The following LARP1B variants were observed in gnomAD, a reference collection of about 807,000 sequenced individuals.
The protein encoded by LARP1B is la-related protein 1B.
A neutral mutation model predicts 114.2 loss-of-function variants in LARP1B; 76 were observed. That is an observed-to-expected ratio of 0.67 (90% confidence interval 0.55 to 0.81). The LOEUF is 0.81. LARP1B is among the 30% of genes least tolerant of loss of function. LARP1B has a pLI of 0.00. For synonymous variants in LARP1B, 345 were observed against 348.0 expected, an observed-to-expected ratio of 0.99 and a Z score of 0.10; for missense variants, 1,014 against 1,075.8, an observed-to-expected ratio of 0.94 and a Z score of 0.80.
In LARP1B at chr4:128,074,455, T is replaced by C; in HGVS notation, c.-77-5T>C. 3 of 785,306 alleles carry C rather than the reference T, an allele frequency of 3.8e-6. No individual in the cohort carries two copies. Among genetic ancestry groups the C allele is most frequent in the Non-Finnish European group, 3.1e-6 (2 of 647,120 alleles). 48.6% of individuals were successfully genotyped at this position (785,306 alleles called of 1,614,324 possible). ...TGTAAAAACAATTCTATATATTTTC[T>C]TTAGAATTCGGTTCCCTCAAAATTA... is the stretch of plus-strand genomic sequence containing the variant. On this transcript the variant is annotated splice_polypyrimidine_tract_variant and splice_region_variant and intron_variant, in intron 1 of 19. Coordinates refer to ENST00000326639, the MANE Select transcript of LARP1B (RefSeq NM_018078.4).
intron 5 of LARP1B, among the ~76,000 whole-genome samples, chr4:128,089,193 A>G (rs1774873916): frequency 6.6e-6 from 1 of 152,178 alleles, no homozygotes; most frequent in South Asian, 2.1e-4. Context: ...TAGTCCACAG[A>G]ACAGGCCCCC....
At chr4:128,086,009 C>CTTTTTTTTTT (rs143345158) in intron 5 of LARP1B, among the ~76,000 whole-genome samples, 1 of 91,272 alleles carries the variant, frequency 1.1e-5, no homozygotes, top group Non-Finnish European at 2.1e-5. Context: ...TCATGGTATT[C>CTTTTTTTTTT]TTTTTTTTTT....
intron 8 of LARP1B, among the ~76,000 whole-genome samples, chr4:128,099,737 T>C (rs570464551): frequency 7.5e-4 from 113 of 151,396 alleles, no homozygotes; most frequent in African/African-American, 7.8e-4. Context: ...CACACACACA[T>C]ATATATTTCT....
chr4:128,060,876 G>A (rs998393792), upstream of LARP1B, among the ~76,000 whole-genome samples: 3 of 152,190 alleles, frequency 2.0e-5, no homozygotes, highest in Non-Finnish European at 4.4e-5. Context: ...CCCCAGGCCG[G>A]GGGTCGACAC....
chr4:128,093,303 A>G (rs893688476), intron 7 of LARP1B, among the ~76,000 whole-genome samples: 13 of 152,166 alleles, frequency 8.5e-5, no homozygotes, highest in Non-Finnish European at 1.5e-4. Flanking sequence ...AGAAGTCACT[A>G]AAAGTTTTCC....
intron 13 of LARP1B, 103 bp from the exon 14 acceptor site, chr4:128,178,328 G>A (rs1747133096): frequency 3.9e-6 from 3 of 760,454 alleles, no homozygotes; most frequent in Non-Finnish European, 6.3e-6. Flanking sequence ...AATGTTTTCA[G>A]TGAAAAATCC....
rs753011189 is a variant in LARP1B at position 128,075,037 on chromosome 4, G to A, written c.42+44G>A. On this transcript the variant is annotated intron_variant, in intron 3 of 19. Coordinates refer to ENST00000326639, the MANE Select transcript of LARP1B (RefSeq NM_018078.4). Reference sequence around the variant, plus strand: ...TTTTTTTTTTTAAAGAAAGGAAAATGTATTCATTTCGACATGCAGAATTTT... The same window carrying A: ...TTTTTTTTTTTAAAGAAAGGAAAATATATTCATTTCGACATGCAGAATTTT... 31 of 1,239,308 alleles carry A rather than the reference G, an allele frequency of 2.5e-5. No homozygotes were observed. The Middle Eastern group carries it at 1.5e-3, about 60-fold the overall frequency. 76.8% of individuals were successfully genotyped at this position (1,239,308 alleles called of 1,614,324 possible).
At chr4:128,147,356 T>C (rs562739906) in intron 11 of LARP1B, among the ~76,000 whole-genome samples, 2 of 152,334 alleles carry the variant, frequency 1.3e-5, no homozygotes, top group East Asian at 3.9e-4. Flanking sequence ...AAATTTGCTC[T>C]TTTATACATT....
At chr4:128,194,441 G>A (rs1753341402) in intron 15 of LARP1B, among the ~76,000 whole-genome samples, 1 of 151,896 alleles carries the variant, frequency 6.6e-6, no homozygotes, top group African/African-American at 2.4e-5. Context: ...CCAGCACTTT[G>A]GGAGGCCGAG....
intron 5 of LARP1B, among the ~76,000 whole-genome samples, chr4:128,085,658 G>T: frequency 6.6e-6 from 1 of 152,264 alleles, no homozygotes; most frequent in African/African-American, 2.4e-5. Flanking sequence ...ATGAGCCACC[G>T]CACTTAGCTT....
At chr4:128,177,519 A>G (rs974405836) in intron 13 of LARP1B, among the ~76,000 whole-genome samples, 5 of 152,194 alleles carry the variant, frequency 3.3e-5, no homozygotes, top group African/African-American at 1.2e-4. Flanking sequence ...AACCGAATAA[A>G]AAAAACAGTC....
chr4:128,083,655 C>T (rs1771767753), intron 5 of LARP1B, among the ~76,000 whole-genome samples: 1 of 109,336 alleles, frequency 9.1e-6, no homozygotes, highest in East Asian at 2.5e-4. Flanking sequence ...GACGGGGCGG[C>T]TGGCCAGGTG....
At chr4:128,095,992 A>ATTTTT (rs71587360) in intron 7 of LARP1B, among the ~76,000 whole-genome samples, 1 of 125,348 alleles carries the variant, frequency 8.0e-6, no homozygotes, top group Non-Finnish European at 1.6e-5. Flanking sequence ...GGAGGCTATA[A>ATTTTT]TTTTTTTTTT....
intron 5 of LARP1B, among the ~76,000 whole-genome samples, chr4:128,082,514 T>A (rs949639602): frequency 6.6e-6 from 1 of 152,226 alleles, no homozygotes; most frequent in African/African-American, 2.4e-5. Context: ...ACAATGTGAT[T>A]GTCCACAGGC....
At chr4:128,094,393 T>C (rs1777086389) in intron 7 of LARP1B, among the ~76,000 whole-genome samples, 1 of 150,240 alleles carries the variant, frequency 6.7e-6, no homozygotes, top group African/African-American at 2.5e-5. Flanking sequence ...TTTTTCTTTT[T>C]CTTTTTCTTT....
intron 1 of LARP1B, among the ~76,000 whole-genome samples, chr4:128,067,467 A>G (rs1763448741): frequency 6.6e-6 from 1 of 152,204 alleles, no homozygotes; most frequent in African/African-American, 2.4e-5. Flanking sequence ...TTTTCTCTAC[A>G]TTACAACCTG....
chr4:128,127,681 A>G (rs1790093089), intron 11 of LARP1B, among the ~76,000 whole-genome samples: 1 of 152,126 alleles, frequency 6.6e-6, no homozygotes, highest in Admixed American at 6.6e-5. Context: ...TAAAAATACA[A>G]AATTAGCCGG....
At chr4:128,065,326 TCTCTC>T (rs1561012868) in intron 1 of LARP1B, among the ~76,000 whole-genome samples, 40 of 135,376 alleles carry the variant, frequency 3.0e-4, no homozygotes, top group Middle Eastern at 4.1e-3. Context: ...TCTCTCTCTC[TCTCTC>T]TTTCCTTTCT....
At chr4:128,083,837 C>T (rs1266668836) in intron 5 of LARP1B, among the ~76,000 whole-genome samples, 8 of 151,366 alleles carry the variant, frequency 5.3e-5, no homozygotes, top group East Asian at 4.0e-4. Context: ...GGGCGGCTGC[C>T]GGGCGGAGAC....
Sources: allele counts gnomAD v4.1 joint callset (sites outside exome capture counted in the v4.1 genomes callset), GRCh38; gene constraint gnomAD v4.1.1; transcripts MANE v1.5; gene names NCBI Gene and HGNC (gene_info 2026-07-23, HGNC 2026-07-21).